The following AGPS variants were observed in gnomAD, a reference collection of about 807,000 sequenced individuals.
AGPS encodes the protein alkyldihydroxyacetonephosphate synthase, peroxisomal.
In AGPS, 26 loss-of-function variants were observed where a neutral mutation model predicts 90.7. The ratio of observed to expected loss-of-function variants is 0.29; its 90% CI spans 0.21 to 0.40. The LOEUF (loss-of-function observed/expected upper bound fraction) is 0.40, where lower values mean the gene tolerates loss of function less well. Ranked by LOEUF, AGPS falls within the 10% of genes least tolerant of loss-of-function variation. The pLI, the probability that AGPS is intolerant of heterozygous loss-of-function variation, is 1.00. For missense variants in AGPS, 540 were observed against 816.1 expected (o/e 0.66, Z 4.12); for synonymous variants, 294 against 285.3 (o/e 1.03, Z -0.31).
chr2:177,441,291 C>T, intron 6 of AGPS: 1 of 416,050 alleles, frequency 2.4e-6, no homozygotes, highest in Non-Finnish European at 4.3e-6. Flanking sequence ...GCCTGAATAA[C>T]AAAATGTTTC....
intron 1 of AGPS, among the ~76,000 whole-genome samples, chr2:177,418,666 AG>A (rs1234406215): frequency 3.3e-5 from 5 of 152,112 alleles, no homozygotes; most frequent in Middle Eastern, 3.4e-3. Context: ...TTGAAATATA[AG>A]AAAATACTAA....
chr2:177,482,919 T>G, intron 11 of AGPS, among the ~76,000 whole-genome samples: 1 of 152,120 alleles, frequency 6.6e-6, no homozygotes, highest in East Asian at 1.9e-4. Context: ...GAATAATTCT[T>G]AATTCAACTT....
intron 16 of AGPS, among the ~76,000 whole-genome samples, chr2:177,511,740 T>C (rs996048340): frequency 5.3e-5 from 8 of 152,204 alleles, no homozygotes; most frequent in African/African-American, 1.9e-4. Context: ...TGGACTGTGT[T>C]AGCCTCTTAT....
chr2:177,530,832 G>A (rs1264980202), intron 19 of AGPS, among the ~76,000 whole-genome samples: 1 of 152,140 alleles, frequency 6.6e-6, no homozygotes, highest in Admixed American at 6.6e-5. Context: ...TCTTCATAGT[G>A]CTTGTTTTTG....
At chr2:177,447,003 T>C (rs1459931651) in intron 8 of AGPS, among the ~76,000 whole-genome samples, 1 of 152,190 alleles carries the variant, frequency 6.6e-6, no homozygotes, top group Non-Finnish European at 1.5e-5. Flanking sequence ...ATTGGTTCCT[T>C]CAACTTCCTC....
In AGPS at chr2:177,543,735, C is replaced by T. The variant is rs537858923; in HGVS notation, c.*5540C>T. 7 of 152,302 alleles carry T rather than the reference C, an allele frequency of 4.6e-5. No homozygotes were observed. The highest frequency in any genetic ancestry group is 1.4e-4 in the African/African-American group (6 of 41,568). 9.4% of individuals were successfully genotyped at this position (152,302 alleles called of 1,614,324 possible). The stretch of plus-strand genomic sequence containing the variant: ...CGTGCTTTCAGTGTGTGTTCAGATT[C>T]TCCTCTTACTGGTTTTCTTAGACTG... On this transcript the variant is annotated 3_prime_UTR_variant, in exon 20 of 20. Coordinates refer to ENST00000264167, the MANE Select transcript of AGPS (RefSeq NM_003659.4).
At chr2:177,454,585 T>A (rs1687055959) in intron 8 of AGPS, among the ~76,000 whole-genome samples, 1 of 150,448 alleles carries the variant, frequency 6.6e-6, no homozygotes, top group Admixed American at 6.6e-5. Flanking sequence ...TTATTTTTAT[T>A]TTATATATAT....
At chr2:177,458,630 C>T (rs1272792135) in intron 8 of AGPS, among the ~76,000 whole-genome samples, 1 of 152,082 alleles carries the variant, frequency 6.6e-6, no homozygotes, top group Non-Finnish European at 1.5e-5. Flanking sequence ...ATGTGAAGGA[C>T]CTCTTCAAGG....
intron 1 of AGPS, 121 bp from the exon 2 acceptor site, chr2:177,420,148 T>G: frequency 1.5e-6 from 1 of 676,026 alleles, no homozygotes; most frequent in East Asian, 2.6e-5. Context: ...TTATTTAACC[T>G]TATACAATAT....
At chr2:177,513,381 T>C (rs1007892473) in intron 16 of AGPS, among the ~76,000 whole-genome samples, 1 of 152,176 alleles carries the variant, frequency 6.6e-6, no homozygotes, top group Non-Finnish European at 1.5e-5. Context: ...GTGTGAGCCA[T>C]GCACCCAGCC....
chr2:177,453,642 T>A (rs1455570506), intron 8 of AGPS, among the ~76,000 whole-genome samples: 3 of 151,886 alleles, frequency 2.0e-5, no homozygotes, highest in African/African-American at 7.3e-5. Context: ...AATAGTGTTC[T>A]TCTTTATAAC....
intron 1 of AGPS, among the ~76,000 whole-genome samples, chr2:177,394,765 G>A (rs1156768912): frequency 2.6e-5 from 4 of 152,288 alleles, no homozygotes; most frequent in Admixed American, 6.5e-5. Flanking sequence ...CTGTTTTGCA[G>A]TGTTGCTGTG....
At chr2:177,454,082 T>G (rs1337851627) in intron 8 of AGPS, among the ~76,000 whole-genome samples, 2 of 151,022 alleles carry the variant, frequency 1.3e-5, no homozygotes, top group East Asian at 3.9e-4. Flanking sequence ...TTTCTTTTGT[T>G]GAGGATTCGT....
Position 177,440,951 on chromosome 2 carries a change from C to T in AGPS, c.638-14C>T, listed in dbSNP as rs1239530154. 1.2e-6 allele frequency: 2 copies of T among 1,608,648 alleles called. No homozygotes were observed. Among genetic ancestry groups the T allele is most frequent in the Admixed American group, 1.7e-5 (1 of 59,938 alleles). Reference sequence around the variant, plus strand: ...ATGCCTCTGTAATTAATTTATTTTCCCTTTTTTCAACAGCATGCCATGATG... The same window carrying T: ...ATGCCTCTGTAATTAATTTATTTTCTCTTTTTTCAACAGCATGCCATGATG... On this transcript the variant is annotated splice_polypyrimidine_tract_variant and intron_variant, in intron 5 of 19. Coordinates refer to ENST00000264167, the MANE Select transcript of AGPS (RefSeq NM_003659.4).
chr2:177,506,148 A>G (rs1317083208), intron 15 of AGPS, among the ~76,000 whole-genome samples: 2 of 151,648 alleles, frequency 1.3e-5, no homozygotes, highest in Admixed American at 6.6e-5. Context: ...TTATTTTTTC[A>G]ATTTAGTTTT....
chr2:177,505,183 G>T lies in AGPS; in HGVS notation c.1476-323G>T, dbSNP rs190860984. On this transcript the variant is annotated intron_variant, in intron 14 of 19. Transcript: ENST00000264167. ...CTAGTCGTCACATTTCTTCAAATAT[G>T]AGTGAGACAGTAATAACATATGAAT... Among the ~76,000 whole-genome samples the T allele has an allele frequency of 3.3e-3, 500 of 152,092 alleles. 1 individual carries two copies. Among genetic ancestry groups the T allele is most frequent in the Non-Finnish European group, 5.2e-3 (350 of 67,854 alleles).
chr2:177,469,237 A>G (rs983364783), intron 10 of AGPS, among the ~76,000 whole-genome samples: 3 of 152,190 alleles, frequency 2.0e-5, no homozygotes, highest in African/African-American at 7.2e-5. Flanking sequence ...AAAATAAACA[A>G]GTGTTTCTAC....
rs1024196951 is a variant in AGPS at position 177,539,900 on chromosome 2, TG to T, written c.*1707del. The T allele has an allele frequency of 1.3e-5, 2 of 151,102 alleles. No individual in the cohort carries two copies. The highest frequency in any genetic ancestry group is 4.9e-5 in the African/African-American group (2 of 40,770). The allele number at this position is 151,102 out of a possible 1,614,324, so 9.4% of individuals were successfully genotyped here. ...TTAAGCCCTTGATATTTGACCTAGT[TG>T]GACACTTGATGAGGAAGTTGCCTCT... On this transcript the variant is annotated 3_prime_UTR_variant, in exon 20 of 20. Coordinates refer to ENST00000264167, the MANE Select transcript of AGPS (RefSeq NM_003659.4).
chr2:177,506,117 T>C (rs1031735211), intron 15 of AGPS, among the ~76,000 whole-genome samples: 1 of 152,014 alleles, frequency 6.6e-6, no homozygotes, highest in South Asian at 2.1e-4. Context: ...TTTACTGATA[T>C]GAAATTGTTC....
Sources: gnomAD v4.1 joint callset for allele counts (sites outside exome capture counted in the v4.1 genomes callset) on GRCh38, gnomAD v4.1.1 for gene constraint, MANE v1.5 for transcripts, NCBI Gene and HGNC (gene_info 2026-07-23, HGNC 2026-07-21) for gene names.